The following CLTCL1 variants were observed in gnomAD, a reference collection of about 807,000 sequenced individuals.
CLTCL1 encodes the protein clathrin heavy chain 2.
In CLTCL1, 159 loss-of-function variants were observed where a neutral mutation model predicts 190.0. That is an observed-to-expected ratio of 0.84 (90% confidence interval 0.74 to 0.95). The LOEUF (loss-of-function observed/expected upper bound fraction) is 0.95, where lower values mean the gene tolerates loss of function less well. Ranked by LOEUF, CLTCL1 falls within the 40% of genes least tolerant of loss-of-function variation. The pLI, the probability that CLTCL1 is intolerant of heterozygous loss-of-function variation, is 0.00. For synonymous variants in CLTCL1, 752 were observed against 769.6 expected (o/e 0.98, Z 0.38); for missense variants, 1,878 against 2,033.4 (o/e 0.92, Z 1.47).
chr22:19,188,923 C>A (rs2084402544), intron 27 of CLTCL1, among the ~76,000 whole-genome samples: 1 of 151,934 alleles, frequency 6.6e-6, no homozygotes, highest in Non-Finnish European at 1.5e-5. Context: ...CCGGCAATTT[C>A]TTTCCTTCTT....
chr22:19,211,604 A>G (rs977802058), intron 19 of CLTCL1, among the ~76,000 whole-genome samples: 36 of 152,098 alleles, frequency 2.4e-4, no homozygotes, highest in Non-Finnish European at 3.2e-4. Context: ...CGTCTCTACT[A>G]AAAATATAAA....
intron 5 of CLTCL1, chr22:19,238,662 C>G (rs2086155946): frequency 1.1e-5 from 2 of 186,934 alleles, no homozygotes; most frequent in Non-Finnish European, 2.3e-5. Context: ...CAGGTGTTTT[C>G]CCAACCTTCT....
At chr22:19,261,209 T>C (rs1261104009) in intron 2 of CLTCL1, among the ~76,000 whole-genome samples, 1 of 151,674 alleles carries the variant, frequency 6.6e-6, no homozygotes, top group East Asian at 1.9e-4. Flanking sequence ...GCCTCCCGGG[T>C]TCACGCCATT....
chr22:19,228,545 T>C (rs2145834017), intron 11 of CLTCL1, among the ~76,000 whole-genome samples: 1 of 152,338 alleles, frequency 6.6e-6, no homozygotes, highest in South Asian at 2.1e-4. Flanking sequence ...GTACTTTTAT[T>C]TCCTAGAGTT....
chr22:19,195,100 A>T (rs560881444), intron 26 of CLTCL1, among the ~76,000 whole-genome samples: 93 of 152,328 alleles, frequency 6.1e-4, no homozygotes, highest in Admixed American at 4.6e-4. Context: ...AGCAATTTTT[A>T]AAAACACCCT....
intron 26 of CLTCL1, among the ~76,000 whole-genome samples, chr22:19,191,720 CTGAA>C (rs539231028): frequency 1.3e-3 from 197 of 152,354 alleles, no homozygotes; most frequent in African/African-American, 4.1e-3. Flanking sequence ...TCAGTATCGG[CTGAA>C]TGAATGAAGT....
At position 19,215,726 on chromosome 22, in the gene CLTCL1, G is replaced by C. The variant is rs547805299; in HGVS notation, c.3065+385C>G. On this transcript the variant is annotated intron_variant, in intron 19 of 32. Coordinates refer to ENST00000427926, the MANE Select transcript of CLTCL1 (RefSeq NM_007098.4). Reference sequence around the variant, plus strand: ...GCAAGTCTTCCCTGATACATGCCCAGATCTGGTTCTCCTGCCACCTTTCTC... The same window carrying C: ...GCAAGTCTTCCCTGATACATGCCCACATCTGGTTCTCCTGCCACCTTTCTC... 6.0e-4 allele frequency among the ~76,000 whole-genome samples: 91 copies of C among 152,358 alleles called. 1 individual carries two copies. The highest frequency in any genetic ancestry group is 4.3e-3 in the South Asian group (21 of 4,834).
chr22:19,190,741 C>G (rs1170127556), intron 27 of CLTCL1, among the ~76,000 whole-genome samples: 1 of 151,442 alleles, frequency 6.6e-6, no homozygotes, highest in African/African-American at 2.4e-5. Flanking sequence ...TGGTGCTAAT[C>G]GACTTTCTCA....
At chr22:19,254,389 C>T (rs1278420427) in intron 2 of CLTCL1, among the ~76,000 whole-genome samples, 162 bp from the exon 3 acceptor site, 2 of 152,120 alleles carry the variant, frequency 1.3e-5, no homozygotes, top group African/African-American at 2.4e-5. Flanking sequence ...ATTAAGCATA[C>T]CTTAATGTCT....
At chr22:19,269,076 C>A (rs190022194) in intron 2 of CLTCL1, among the ~76,000 whole-genome samples, 306 of 116,308 alleles carry the variant, frequency 2.6e-3, no homozygotes, top group African/African-American at 9.6e-3. Context: ...GGTGACAGAG[C>A]AAGACTCCTC....
At chr22:19,255,928 AT>A (rs2086734311) in intron 2 of CLTCL1, among the ~76,000 whole-genome samples, 3 of 151,126 alleles carry the variant, frequency 2.0e-5, no homozygotes, top group African/African-American at 7.3e-5. Context: ...AAAAAAAAAA[AT>A]TCATACCACC....
intron 3 of CLTCL1, among the ~76,000 whole-genome samples, chr22:19,247,596 T>C (rs781915848): frequency 3.9e-5 from 6 of 152,176 alleles, no homozygotes; most frequent in Non-Finnish European, 5.9e-5. Flanking sequence ...GTTCCACTCT[T>C]GTTGCCCAGG....
chr22:19,206,019 C>A (rs1356852276), intron 22 of CLTCL1, among the ~76,000 whole-genome samples: 1 of 151,896 alleles, frequency 6.6e-6, no homozygotes, highest in African/African-American at 2.4e-5. Flanking sequence ...CTTGACTTCC[C>A]AGCCTCCAGT....
Position 19,291,588 on chromosome 22 carries a change from GC to G in CLTCL1, c.42+11del. On this transcript the variant is annotated intron_variant, in intron 1 of 32. Transcript: ENST00000427926. ...GGCTGACAGGGCAGCCCCCCAGCCC[GC>G]CGGGCCTCACCTGGAAGTGCTCCTG... The G allele has an allele frequency of 7.2e-7, 1 of 1,381,114 alleles. No homozygotes were observed. 85.6% of individuals were successfully genotyped at this position (1,381,114 alleles called of 1,614,324 possible). A position where few individuals can be genotyped will look rare whatever the true frequency, so the allele number is the denominator to read the frequency against.
At chr22:19,272,058 A>C (rs1555980944) in intron 2 of CLTCL1, among the ~76,000 whole-genome samples, 1 of 152,228 alleles carries the variant, frequency 6.6e-6, no homozygotes, top group Non-Finnish European at 1.5e-5. Context: ...ACAGTGAGCC[A>C]TGATCACATC....
At position 19,216,143 on chromosome 22, in the gene CLTCL1, T is replaced by C; in HGVS notation, c.3033A>G (p.Ile1011Met). 6.2e-7 allele frequency: 1 copy of C among 1,613,946 alleles called. No individual in the cohort carries two copies. ...PNELIELLEKIVLDNSVFSEH... is the reference protein window; with the variant it reads ...PNELIELLEKMVLDNSVFSEH... ...CGCTGAAGACAGAGTTATCCAGAAC[T>C]ATCTTCTCCAGCAGTTCAATCAGTT... is the stretch of plus-strand genomic sequence containing the variant. The change falls in exon 19 of 33, where the codon ATA becomes ATG. Residue 1011 changes from isoleucine (I) to methionine (M), a missense_variant. Transcript: ENST00000427926.
Position 19,180,789 on chromosome 22 carries a change from G to A in CLTCL1, c.4845C>T (p.Ala1615=). 2 of 1,613,816 alleles carry A rather than the reference G, an allele frequency of 1.2e-6. No individual in the cohort carries two copies. Among genetic ancestry groups the A allele is most frequent in the Non-Finnish European group, 1.7e-6 (2 of 1,179,798 alleles). ...EYLSKVDKLD[A]LESLRKQEEH... ...CCTCTTGCTTGCGCAGACTCTCCAA[G>A]GCATCCAGTTTGTCCACCTGCAAGG... Residue 1615 remains alanine (A), a synonymous_variant, in exon 31 of 33, where the codon GCC becomes GCT. Coordinates refer to ENST00000427926, the MANE Select transcript of CLTCL1 (RefSeq NM_007098.4).
Position 19,234,656 on chromosome 22 carries a change from G to A in CLTCL1, c.1020C>T (p.Asn340=), listed in dbSNP as rs910900345. 3 of 1,613,994 alleles carry A rather than the reference G, an allele frequency of 1.9e-6. No homozygotes were observed. The highest frequency in any genetic ancestry group is 1.3e-5 in the African/African-American group (1 of 75,042). ...EEDNIVNYAT[N]VLQNPDLGLR... is the part of the protein sequence containing the mutation. The stretch of plus-strand genomic sequence containing the variant: ...GACCAAGGTCTGGATTCTGAAGCAC[G>A]TTGGTTGCATAATTCACAATGTTAT... The change falls in exon 7 of 33, where the codon AAC becomes AAT. Residue 340 remains asparagine (N), a synonymous_variant. Transcript: ENST00000427926.
intron 2 of CLTCL1, among the ~76,000 whole-genome samples, chr22:19,258,971 G>GA (rs1165369462): frequency 9.9e-5 from 15 of 151,776 alleles, no homozygotes; most frequent in Non-Finnish European, 2.2e-4. Context: ...GACAATAAAA[G>GA]AAAAAAAATG....
Sources: allele counts gnomAD v4.1 joint callset (sites outside exome capture counted in the v4.1 genomes callset), GRCh38; gene constraint gnomAD v4.1.1; transcripts MANE v1.5; gene names NCBI Gene and HGNC (gene_info 2026-07-23, HGNC 2026-07-21).